Variants in SEC31A observed in about 807,000 individuals in gnomAD.
The protein encoded by SEC31A is protein transport protein Sec31A.
Under a neutral mutation model 151.0 loss-of-function variants are expected in SEC31A, and 70 were observed. The observed-to-expected ratio is 0.46, with a 90% CI of 0.38 to 0.57. The LOEUF (loss-of-function observed/expected upper bound fraction) is 0.57. SEC31A is among the 20% of genes least tolerant of loss of function. The pLI is 0.00. For missense variants in SEC31A, 1,330 were observed against 1,471.2 expected (o/e 0.90, Z 1.57); for synonymous variants, 475 against 505.9 (o/e 0.94, Z 0.82).
At chr4:82,849,606 T>G in intron 19 of SEC31A, among the ~76,000 whole-genome samples, 1 of 57,936 alleles carries the variant, frequency 1.7e-5, no homozygotes, top group South Asian at 9.0e-4. Context: ...AGAGCAAGAA[T>G]CCGTCTCAAA....
rs1352200828 is a variant in SEC31A, at chr4:82,829,512, A to G, written c.2969-454T>C. On this transcript the variant is annotated intron_variant, in intron 22 of 26. Transcript: ENST00000395310. ...CAATCTCCTATTTGCCAAGAGGGCA[A>G]TTCAACATGAGCAAATCATCTATTC... 3 of 153,532 alleles carry G rather than the reference A, an allele frequency of 2.0e-5. No homozygotes were observed. In the East Asian group the frequency reaches 5.7e-4, roughly 29 times the overall value. The allele number at this position is 153,532 out of a possible 1,614,324, so 9.5% of individuals were successfully genotyped here.
intron 2 of SEC31A, 121 bp from the exon 3 acceptor site, chr4:82,881,043 A>G: frequency 1.3e-6 from 1 of 762,620 alleles, no homozygotes; most frequent in East Asian, 2.5e-5. Flanking sequence ...CACATATGCC[A>G]TTGAGCAGAT....
intron 4 of SEC31A, among the ~76,000 whole-genome samples, chr4:82,876,107 CT>C (rs200156848): frequency 2.4e-4 from 31 of 127,206 alleles, no homozygotes; most frequent in Middle Eastern, 4.1e-3. Context: ...TGGATAAATT[CT>C]TTTTTTTTTT....
intron 14 of SEC31A, 38 bp from the exon 15 acceptor site, chr4:82,857,802 A>T: frequency 7.6e-7 from 1 of 1,311,562 alleles, no homozygotes; most frequent in Non-Finnish European, 1.1e-6. Context: ...AGCCAGAATA[A>T]AACTGTGGAA....
intron 21 of SEC31A, 59 bp downstream of exon 21, chr4:82,844,327 A>T: frequency 6.4e-7 from 1 of 1,559,460 alleles, no homozygotes; most frequent in South Asian, 1.2e-5. Flanking sequence ...TTCAAAGTAA[A>T]GTTACTAAAT....
rs148149229 is a variant in SEC31A, at chr4:82,853,624, T to C, written c.2100A>G (p.Lys700=). 211 of 1,604,638 alleles carry C rather than the reference T, an allele frequency of 1.3e-4. No individual in the cohort carries two copies. The highest frequency in any genetic ancestry group is 1.7e-4 in the Non-Finnish European group (204 of 1,177,764). The part of the protein sequence containing the change: ...LCYICAGNVE[K]LVACWTKAQD... Reference sequence around the variant, plus strand: ...GAGCTTTAGTCCAACATGCAACTAATTTCTCTACATTCCCTGCACAAATAT... The same window carrying C: ...GAGCTTTAGTCCAACATGCAACTAACTTCTCTACATTCCCTGCACAAATAT... Residue 700 remains lysine (K), a synonymous_variant, in exon 18 of 27, where the codon AAA becomes AAG. Transcript: ENST00000395310.
intron 6 of SEC31A, among the ~76,000 whole-genome samples, chr4:82,872,720 T>C (rs1031340743): frequency 3.9e-5 from 6 of 152,114 alleles, no homozygotes; most frequent in African/African-American, 1.4e-4. Flanking sequence ...ATTTATTTTT[T>C]TGAGATGGAG....
In SEC31A at chr4:82,845,382, G is replaced by A. The variant is rs1049859908; in HGVS notation, c.2503-873C>T. On this transcript the variant is annotated intron_variant, in intron 20 of 26. Coordinates refer to ENST00000395310, the MANE Select transcript of SEC31A (RefSeq NM_001077207.4). ...AAACCCCAAAAGGTATTAATAGCCA[G>A]ATGCAAAGCCAAAGGTAAGATTGGC... The A allele has an allele frequency of 4.8e-5, 31 of 645,736 alleles. No individual in the cohort carries two copies. In the African/African-American group the frequency reaches 5.3e-4, roughly 11 times the overall value. 40.0% of individuals were successfully genotyped at this position (645,736 alleles called of 1,614,324 possible).
intron 20 of SEC31A, chr4:82,845,105 G>GA: frequency 1.3e-6 from 1 of 775,546 alleles, no homozygotes; most frequent in Admixed American, 2.4e-5. Flanking sequence ...GATGGGGAGT[G>GA]GGGGTGAAAG....
At chr4:82,889,600 T>G (rs540322436) in intron 1 of SEC31A, among the ~76,000 whole-genome samples, 2 of 151,734 alleles carry the variant, frequency 1.3e-5, no homozygotes, top group East Asian at 3.9e-4. Context: ...TGTGTGTATA[T>G]GTGCATTCTT....
At position 82,866,844 on chromosome 4, in the gene SEC31A, G is replaced by A. The variant is rs1201870024; in HGVS notation, c.1161C>T (p.Pro387=). The change falls in exon 10 of 27, where the codon CCC becomes CCT. Residue 387 remains proline, a synonymous_variant. Coordinates refer to ENST00000395310, the MANE Select transcript of SEC31A (RefSeq NM_001077207.4). ...CACCAACAGGCCTTCGAATCCACTT[G>A]GGCGGCTTCTTCAGAGGCAGCACTA... ...HSIVLPLKKP[P]KWIRRPVGAS... is the part of the protein sequence containing the mutation. 1 of 1,609,556 alleles carries A rather than the reference G, an allele frequency of 6.2e-7. No individual in the cohort carries two copies. Among genetic ancestry groups the A allele is most frequent in the African/African-American group, 1.3e-5 (1 of 74,680 alleles).
chr4:82,824,540 A>G lies in SEC31A; in HGVS notation c.3411+15T>C. ...CTAATTAAGCAAAATATGATTTAAA[A>G]AAATAAATACATACAGGGTCTGTTG... is the stretch of plus-strand genomic sequence containing the variant. On this transcript the variant is annotated intron_variant, in intron 25 of 26. Coordinates refer to ENST00000395310, the MANE Select transcript of SEC31A (RefSeq NM_001077207.4). 6.2e-7 allele frequency: 1 copy of G among 1,606,006 alleles called. No individual in the cohort carries two copies. Among genetic ancestry groups the G allele is most frequent in the Non-Finnish European group, 8.5e-7 (1 of 1,177,842 alleles).
chr4:82,835,703 G>A (rs1727052162), intron 22 of SEC31A, among the ~76,000 whole-genome samples: 1 of 152,190 alleles, frequency 6.6e-6, no homozygotes, highest in South Asian at 2.1e-4. Flanking sequence ...GCTGAGGCAT[G>A]AGAATTGCTT....
intron 19 of SEC31A, among the ~76,000 whole-genome samples, chr4:82,849,652 C>T (rs1337844617): frequency 6.7e-6 from 1 of 149,566 alleles, no homozygotes; most frequent in African/African-American, 2.5e-5. Context: ...AAGAGGCCAC[C>T]AAAGAGAATC....
chr4:82,898,149 C>T (rs977874732), intron 3 of SEC31A: 14 of 152,160 alleles, frequency 9.2e-5, no homozygotes, highest in Non-Finnish European at 2.1e-4. Context: ...GCTTACATAT[C>T]CTCATTTAAG....
At chr4:82,843,625 A>T (rs1446971137) in intron 21 of SEC31A, 3 of 151,950 alleles carry the variant, frequency 2.0e-5, no homozygotes, top group Non-Finnish European at 2.9e-5. Flanking sequence ...AATAACATTC[A>T]TTTTAGCACA....
rs1047843780 is a variant in SEC31A, at chr4:82,891,076, G to A, written c.-5+12C>T. On this transcript the variant is annotated intron_variant, in intron 1 of 26. Transcript: ENST00000395310. The stretch of plus-strand genomic sequence containing the variant: ...ACCGGCGAAGAGGACAAAAAGCAAC[G>A]GGCGGACGCACCTGGCGAGGACCTT... 3.3e-6 allele frequency: 5 copies of A among 1,535,758 alleles called. No homozygotes were observed. The highest frequency in any genetic ancestry group is 4.4e-6 in the Non-Finnish European group (5 of 1,146,752).
At chr4:82,865,544 A>G (rs1735140070) in intron 10 of SEC31A, among the ~76,000 whole-genome samples, 2 of 4,034 alleles carry the variant, frequency 5.0e-4, no homozygotes, top group South Asian at 3.1e-3. Flanking sequence ...TGGTATATAT[A>G]TATATATATA....
At chr4:82,867,670 C>T (rs947912282) in intron 8 of SEC31A, among the ~76,000 whole-genome samples, 3 of 152,004 alleles carry the variant, frequency 2.0e-5, no homozygotes, top group East Asian at 1.9e-4. Context: ...CTCGCTCTGT[C>T]GCCCAGGCTG....
Sources: allele counts gnomAD v4.1 joint callset (sites outside exome capture counted in the v4.1 genomes callset), GRCh38; gene constraint gnomAD v4.1.1; transcripts MANE v1.5; gene names NCBI Gene and HGNC (gene_info 2026-07-23, HGNC 2026-07-21).